Variants in DPYD observed in about 807,000 individuals in gnomAD.
The protein encoded by DPYD is dihydropyrimidine dehydrogenase, also known as dihydropyrimidine dehydrogenase [NADP(+)].
Under a neutral mutation model 116.2 loss-of-function variants are expected in DPYD, and 109 were observed. The observed-to-expected ratio is 0.94, with a 90% CI of 0.80 to 1.10. The LOEUF (loss-of-function observed/expected upper bound fraction) is 1.10, where lower values mean the gene tolerates loss of function less well. DPYD is among the 50% of genes least tolerant of loss of function. The pLI is 0.00. For missense variants in DPYD, 1,302 were observed against 1,254.5 expected (o/e 1.04, Z -0.57); for synonymous variants, 440 against 432.0 (o/e 1.02, Z -0.23).
chr1:97,766,241 CA>C (rs1249037680), intron 3 of DPYD, among the ~76,000 whole-genome samples: 1 of 150,478 alleles, frequency 6.6e-6, no homozygotes, highest in African/African-American at 2.5e-5. Context: ...AACTCAGTCT[CA>C]AAAAAAATAA....
intron 12 of DPYD, among the ~76,000 whole-genome samples, chr1:97,524,318 C>T (rs945466326): frequency 6.6e-6 from 1 of 152,162 alleles, no homozygotes; most frequent in Non-Finnish European, 1.5e-5. Context: ...GAGCTCATTT[C>T]CATTGGATAT....
chr1:97,128,179 A>C (rs1344511785), intron 20 of DPYD, among the ~76,000 whole-genome samples: 1 of 152,212 alleles, frequency 6.6e-6, no homozygotes, highest in Non-Finnish European at 1.5e-5. Flanking sequence ...ATCCCAAGGA[A>C]TTGCAAACAA....
intron 12 of DPYD, among the ~76,000 whole-genome samples, chr1:97,535,292 C>T (rs962983082): frequency 4.6e-5 from 7 of 152,146 alleles, no homozygotes; most frequent in African/African-American, 7.2e-5. Flanking sequence ...AAATTCTCCA[C>T]AGCAAACTAA....
chr1:97,836,125 T>C (rs946337107), intron 2 of DPYD, among the ~76,000 whole-genome samples: 5 of 152,124 alleles, frequency 3.3e-5, no homozygotes, highest in Non-Finnish European at 7.4e-5. Context: ...CTAGACTAAG[T>C]GGTGTCTAAG....
intron 6 of DPYD, among the ~76,000 whole-genome samples, chr1:97,698,580 G>C (rs1475389970): frequency 6.6e-6 from 1 of 151,750 alleles, no homozygotes. Flanking sequence ...CATAGAAACA[G>C]ATATTCCAAA....
chr1:97,376,250 C>T (rs1212607654), intron 15 of DPYD, among the ~76,000 whole-genome samples: 1 of 152,262 alleles, frequency 6.6e-6, no homozygotes, highest in African/African-American at 2.4e-5. Flanking sequence ...TTATAATTTA[C>T]TACAAATCAC....
chr1:97,522,878 AAC>A (rs1648786468), intron 12 of DPYD, among the ~76,000 whole-genome samples: 1 of 152,156 alleles, frequency 6.6e-6, no homozygotes. Context: ...CTCTAGGCTA[AAC>A]ATTTTTATCT....
chr1:97,357,819 C>A (rs1195230647), intron 16 of DPYD, among the ~76,000 whole-genome samples: 2 of 152,092 alleles, frequency 1.3e-5, no homozygotes, highest in Non-Finnish European at 2.9e-5. Context: ...AAGATAATGA[C>A]CTCTAGGATT....
At position 97,286,177 on chromosome 1, in the gene DPYD, G is replaced by C. The variant is rs1570428939; in HGVS notation, c.2299+19082C>G. ...AGGATTTTATTTCTCCTTCACTTAT[G>C]AAGCTTAGTTTGGCTGGATATGAAA... On this transcript the variant is annotated intron_variant, in intron 18 of 22. Transcript: ENST00000370192. Among the ~76,000 whole-genome samples, 5 of 152,174 alleles carry C rather than the reference G, an allele frequency of 3.3e-5. No individual in the cohort carries two copies. In the South Asian group the frequency reaches 1.0e-3, roughly 32 times the overall value.
intron 3 of DPYD, among the ~76,000 whole-genome samples, chr1:97,746,632 G>A (rs965105708): frequency 1.5e-4 from 23 of 151,998 alleles, no homozygotes; most frequent in African/African-American, 1.9e-4. Flanking sequence ...ATACAGTGGT[G>A]GAATACGAAA....
chr1:97,852,767 T>C (rs922182970), intron 2 of DPYD, among the ~76,000 whole-genome samples: 2 of 152,300 alleles, frequency 1.3e-5, no homozygotes, highest in African/African-American at 4.8e-5. Flanking sequence ...ATATTTATAA[T>C]GATGATGTGT....
intron 12 of DPYD, among the ~76,000 whole-genome samples, chr1:97,538,109 C>T (rs1472003546): frequency 6.6e-6 from 1 of 151,518 alleles, no homozygotes; most frequent in Non-Finnish European, 1.5e-5. Flanking sequence ...CTGAATTGTA[C>T]CTCATTAGCA....
chr1:97,660,791 T>C (rs1659210344), intron 8 of DPYD, among the ~76,000 whole-genome samples: 1 of 152,158 alleles, frequency 6.6e-6, no homozygotes. Context: ...TTTGTGTCAA[T>C]GGGAAAAAAA....
At chr1:97,519,075 A>C (rs1478140535) in intron 12 of DPYD, among the ~76,000 whole-genome samples, 3 of 152,186 alleles carry the variant, frequency 2.0e-5, no homozygotes, top group Non-Finnish European at 4.4e-5. Flanking sequence ...CATATTTTCA[A>C]TAATAAATAC....
chr1:97,468,960 CTT>C (rs1270535803), intron 13 of DPYD, among the ~76,000 whole-genome samples: 2 of 152,088 alleles, frequency 1.3e-5, no homozygotes, highest in Non-Finnish European at 2.9e-5. Context: ...AATTAGTTTC[CTT>C]GAAAGAGTTC....
At chr1:97,139,677 T>C (rs1215429633) in intron 20 of DPYD, among the ~76,000 whole-genome samples, 1 of 152,210 alleles carries the variant, frequency 6.6e-6, no homozygotes, top group Admixed American at 6.5e-5. Flanking sequence ...GGCAGCATTA[T>C]TGTAATAGGA....
At chr1:97,159,028 C>A (rs1255644315) in intron 20 of DPYD, among the ~76,000 whole-genome samples, 3 of 151,932 alleles carry the variant, frequency 2.0e-5, no homozygotes, top group Non-Finnish European at 4.4e-5. Flanking sequence ...AGTCCAGATA[C>A]AATATAAAAT....
intron 8 of DPYD, among the ~76,000 whole-genome samples, chr1:97,632,218 ATGT>A (rs1179257559): frequency 2.0e-5 from 3 of 152,092 alleles, no homozygotes; most frequent in African/African-American, 7.2e-5. Context: ...GCCATACTAA[ATGT>A]TCAATGAAAC....
rs749369964 is a variant in DPYD at position 97,920,893 on chromosome 1, C to A, written c.30G>T (p.Ala10=). 3.8e-5 allele frequency: 61 copies of A among 1,593,758 alleles called. No individual in the cohort carries two copies. The highest frequency in any genetic ancestry group is 5.0e-5 in the Non-Finnish European group (58 of 1,170,644). Residue 10 remains alanine, a synonymous_variant, in exon 1 of 23, where the codon GCG becomes GCT. Coordinates refer to ENST00000370192, the MANE Select transcript of DPYD (RefSeq NM_000110.4). MAPVLSKDS[A]DIESILALNP... ...GGCGCGAAGTCCGTACCTCGATGTC[C>A]GCCGAGTCCTTACTGAGCACAGGGG...
Sources: gnomAD v4.1 joint callset for allele counts (sites outside exome capture counted in the v4.1 genomes callset) on GRCh38, gnomAD v4.1.1 for gene constraint, MANE v1.5 for transcripts, NCBI Gene and HGNC (gene_info 2026-07-23, HGNC 2026-07-21) for gene names.